Variants in SLC7A8 observed in about 807,000 individuals in gnomAD.
SLC7A8 encodes solute carrier family 7 member 8.
Under a neutral mutation model 51.2 loss-of-function variants are expected in SLC7A8, and 30 were observed. The ratio of observed to expected loss-of-function variants is 0.59; its 90% CI spans 0.44 to 0.80. The LOEUF (loss-of-function observed/expected upper bound fraction) is 0.80. SLC7A8 is among the 30% of genes least tolerant of loss of function. SLC7A8 has a pLI of 0.00. For synonymous variants in SLC7A8, 257 were observed against 275.8 expected (o/e 0.93, Z 0.67); for missense variants, 612 against 674.4 (o/e 0.91, Z 1.03).
Position 23,166,393 on chromosome 14 carries a change from A to T in SLC7A8, c.299T>A (p.Ile100Asn), listed in dbSNP as rs1330504960. ...ALCYAELGVT[I>N]PKSGGDYSYV... ...GGAGTAGTCACCTCCAGATTTGGGG[A>T]TGGTGACCCCGAGTTCAGCATAGCA... Residue 100 changes from isoleucine (I) to asparagine (N), a missense_variant, in exon 2 of 11, where the codon ATC (isoleucine) becomes AAC (asparagine). Transcript: ENST00000316902. 1.2e-6 allele frequency: 2 copies of T among 1,613,978 alleles called. No individual in the cohort carries two copies. The highest frequency in any genetic ancestry group is 1.7e-6 in the Non-Finnish European group (2 of 1,180,032).
chr14:23,173,887 C>T (rs528791158), intron 1 of SLC7A8, among the ~76,000 whole-genome samples: 10 of 152,144 alleles, frequency 6.6e-5, no homozygotes, highest in Non-Finnish European at 1.5e-4. Context: ...GTGATCCTCC[C>T]ACCTCAGCCT....
chr14:23,141,259 T>A (rs1373697281), intron 4 of SLC7A8, among the ~76,000 whole-genome samples: 4 of 152,034 alleles, frequency 2.6e-5, no homozygotes, highest in Non-Finnish European at 5.9e-5. Flanking sequence ...CACTCCAGGG[T>A]GGATGACAGA....
intron 3 of SLC7A8, chr14:23,154,414 A>AGGGAAGCCGGGCC (rs1375930325): frequency 7.0e-6 from 7 of 993,796 alleles, no homozygotes; most frequent in Non-Finnish European, 8.4e-6. Flanking sequence ...GCCGCTGGGC[A>AGGGAAGCCGGGCC]GGGAAGCCGG....
At chr14:23,178,555 T>C (rs1221903771) in intron 1 of SLC7A8, among the ~76,000 whole-genome samples, 1 of 151,552 alleles carries the variant, frequency 6.6e-6, no homozygotes, top group Non-Finnish European at 1.5e-5. Context: ...TAAGTATTCC[T>C]TAGCAGGCAT....
In SLC7A8 at chr14:23,143,155, A is replaced by G. The variant is rs1324144370; in HGVS notation, c.558T>C (p.Val186=). The G allele has an allele frequency of 6.2e-7, 1 of 1,614,208 alleles. No individual in the cohort carries two copies. Among genetic ancestry groups the G allele is most frequent in the South Asian group, 1.1e-5 (1 of 91,090 alleles). The change falls in exon 4 of 11, where the codon GTT becomes GTC. Residue 186 remains valine, a synonymous_variant. Transcript: ENST00000316902. ...NCSSVRWATR[V]QDIFTAGKLL... is the part of the protein sequence containing the mutation. ...GCTTCCCAGCTGTGAAGATGTCTTG[A>G]ACCCGGGTGGCCCACCGCACACTGG...
rs1469237257 is a variant in SLC7A8, at chr14:23,165,010, A to C, written c.508+275T>G. ...CTGCCTCAAAAAAAAAAAAATGGAGAGAAGTTAGGAGAGTCAGAGACATGT... is the reference window on the plus strand; with the variant it reads ...CTGCCTCAAAAAAAAAAAAATGGAGCGAAGTTAGGAGAGTCAGAGACATGT... On this transcript the variant is annotated intron_variant, in intron 3 of 10. Coordinates refer to ENST00000316902, the MANE Select transcript of SLC7A8 (RefSeq NM_012244.4). This position sits in a 1 kb window ranked among gnomAD's most constrained non-coding sequence, Gnocchi z 4.2. Among the ~76,000 whole-genome samples, 3 of 149,434 alleles carry C rather than the reference A, an allele frequency of 2.0e-5. No individual in the cohort carries two copies. The highest frequency in any genetic ancestry group is 7.4e-5 in the African/African-American group (3 of 40,588).
intron 1 of SLC7A8, among the ~76,000 whole-genome samples, chr14:23,170,402 C>T (rs777446775): frequency 1.6e-4 from 24 of 152,178 alleles, no homozygotes; most frequent in Non-Finnish European, 2.9e-4. Context: ...GGCTTTTCTA[C>T]TTTGACTATG....
In SLC7A8 at chr14:23,140,621, T is replaced by G; in HGVS notation, c.638A>C (p.Glu213Ala). 1.2e-6 allele frequency: 2 copies of G among 1,612,772 alleles called. No homozygotes were observed. The highest frequency in any genetic ancestry group is 1.7e-6 in the Non-Finnish European group (2 of 1,179,000). Reference protein sequence around the residue: ...IMGIVQICKGEYFWLEPKNAF... With the variant: ...IMGIVQICKGAYFWLEPKNAF... Reference sequence around the variant, plus strand: ...ATTCTTTGGCTCCAGCCAGAAGTACTCTCCTGTGGACACAAGCAACAGGAG... The same window carrying G: ...ATTCTTTGGCTCCAGCCAGAAGTACGCTCCTGTGGACACAAGCAACAGGAG... Residue 213 changes from glutamate to alanine, a missense_variant, in exon 5 of 11, where the codon GAG becomes GCG. Transcript: ENST00000316902.
chr14:23,163,625 C>T (rs1380492525), intron 3 of SLC7A8, among the ~76,000 whole-genome samples: 1 of 152,060 alleles, frequency 6.6e-6, no homozygotes, highest in Non-Finnish European at 1.5e-5. Context: ...CGTAACAGGA[C>T]AGAAGGAAAA....
chr14:23,128,108 A>G lies in SLC7A8; in HGVS notation c.1352T>C (p.Ile451Thr), dbSNP rs1361214719. The G allele has an allele frequency of 2.5e-6, 4 of 1,614,228 alleles. No homozygotes were observed. The African/African-American group carries it at 5.3e-5, about 22-fold the overall frequency. The change falls in exon 10 of 11, where the codon ATT (isoleucine) becomes ACT (threonine). Residue 451 changes from isoleucine (I) to threonine (T), a missense_variant. By Grantham distance (89) the Ile-to-Thr change is moderately conservative. Transcript: ENST00000316902. The surrounding 1 kb of genome is among the most constrained non-coding windows in gnomAD (Gnocchi z 4.3). ...TCCTGTCAGCATGATGGCCAGGCCA[A>G]TGCCACACACCACCGGCTCTGACCA... The part of the protein sequence containing the change: ...SLWSEPVVCG[I>T]GLAIMLTGVP...
chr14:23,160,232 C>T (rs1405517314), intron 3 of SLC7A8, among the ~76,000 whole-genome samples: 2 of 151,970 alleles, frequency 1.3e-5, no homozygotes, highest in Non-Finnish European at 2.9e-5. Context: ...TTGTTTACAA[C>T]TAGAGACCCA....
chr14:23,127,950 A>G (rs1161674511), intron 10 of SLC7A8, 69 bp downstream of exon 10: 2 of 1,450,316 alleles, frequency 1.4e-6, no homozygotes, highest in African/African-American at 1.4e-5. Flanking sequence ...TGGCTCCCCA[A>G]CCCCATCACT....
chr14:23,171,934 G>C (rs2048977091), intron 1 of SLC7A8, among the ~76,000 whole-genome samples: 1 of 152,182 alleles, frequency 6.6e-6, no homozygotes, highest in South Asian at 2.1e-4. Flanking sequence ...AGATGTGGAA[G>C]TCACTGCAGA....
intron 7 of SLC7A8, among the ~76,000 whole-genome samples, chr14:23,135,534 C>T (rs973646070): frequency 5.9e-5 from 9 of 151,664 alleles, no homozygotes; most frequent in Admixed American, 4.6e-4. Flanking sequence ...AACCCCGTCT[C>T]TACTAAAAAT....
At chr14:23,138,538 A>C (rs370560585) in intron 6 of SLC7A8, among the ~76,000 whole-genome samples, 2 of 152,184 alleles carry the variant, frequency 1.3e-5, no homozygotes, top group Non-Finnish European at 2.9e-5. Context: ...TCTGTCTCCA[A>C]CTGCAAAATA....
intron 5 of SLC7A8, among the ~76,000 whole-genome samples, chr14:23,139,816 C>T (rs2048725940): frequency 6.6e-6 from 1 of 152,078 alleles, no homozygotes; most frequent in Non-Finnish European, 1.5e-5. Flanking sequence ...TCGAGGCCAG[C>T]CCTGGCAACA....
chr14:23,138,116 T>C, intron 6 of SLC7A8, 92 bp from the exon 7 acceptor site: 2 of 1,456,564 alleles, frequency 1.4e-6, no homozygotes, highest in Non-Finnish European at 1.9e-6. Context: ...GTTTCTCCTA[T>C]CTCCACCCTT....
At chr14:23,137,890 C>T in intron 7 of SLC7A8, 31 bp downstream of exon 7, 1 of 1,609,692 alleles carries the variant, frequency 6.2e-7, no homozygotes, top group Non-Finnish European at 8.5e-7. Context: ...AGAGTGGCCC[C>T]TGGCCGGGGA....
chr14:23,182,883 G>T lies in SLC7A8; in HGVS notation c.32C>A (p.Thr11Asn). 1.2e-6 allele frequency: 2 copies of T among 1,614,132 alleles called. No homozygotes were observed. Among genetic ancestry groups the T allele is most frequent in the East Asian group, 2.2e-5 (1 of 44,878 alleles). Reference sequence around the variant, plus strand: ...GCCCCCACCTGGGTGTTTCTTTTCGGTGTTGTTTCGGTGCCTGGCTCCTTC... The same window carrying T: ...GCCCCCACCTGGGTGTTTCTTTTCGTTGTTGTTTCGGTGCCTGGCTCCTTC... MEEGARHRNN[T>N]EKKHPGGGES... The change falls in exon 1 of 11, where the codon ACC becomes AAC. Residue 11 changes from threonine to asparagine, a missense_variant. Coordinates refer to ENST00000316902, the MANE Select transcript of SLC7A8 (RefSeq NM_012244.4).
Sources: gnomAD v4.1 joint callset for allele counts (sites outside exome capture counted in the v4.1 genomes callset) on GRCh38, gnomAD v4.1.1 for gene constraint, Gnocchi (gnomAD v3.1) non-coding constraint, MANE v1.5 for transcripts, NCBI Gene and HGNC (gene_info 2026-07-23, HGNC 2026-07-21) for gene names.